NUP188: variants seen among roughly 807,000 people sequenced by gnomAD.
NUP188 encodes the protein nucleoporin 188.
NUP188 carries 97 observed loss-of-function variants against 223.0 expected under a neutral mutation model. The ratio of observed to expected loss-of-function variants is 0.43; its 90% CI spans 0.37 to 0.51. The LOEUF is 0.51. Among genes scored for constraint, NUP188 ranks in the 20% least tolerant of loss-of-function variants. The pLI, the probability that NUP188 is intolerant of heterozygous loss-of-function variation, is 0.00. For synonymous variants in NUP188, 869 were observed against 828.0 expected (o/e 1.05, Z -0.85); for missense variants, 1,947 against 2,175.6 (o/e 0.89, Z 2.09).
At chr9:128,982,443 CTG>C in intron 15 of NUP188, 104 bp from the exon 16 acceptor site, 1 of 1,054,826 alleles carries the variant, frequency 9.5e-7, no homozygotes, top group Non-Finnish European at 1.4e-6. Flanking sequence ...AAAAAAATGT[CTG>C]TGAGTTTGTG....
chr9:128,951,809 T>G (rs1475692432), intron 2 of NUP188, among the ~76,000 whole-genome samples: 1 of 149,382 alleles, frequency 6.7e-6, no homozygotes, highest in Non-Finnish European at 1.5e-5. Flanking sequence ...TTTTTTTTTT[T>G]GAGACGGAGT....
intron 8 of NUP188, among the ~76,000 whole-genome samples, chr9:128,966,240 GTCTC>G (rs1312997737): frequency 7.6e-6 from 1 of 131,566 alleles, no homozygotes; most frequent in Admixed American, 8.3e-5. Flanking sequence ...ATGGATTTCT[GTCTC>G]TGTCTGTCTC....
chr9:128,991,162 CTTTTTTTTTTT>C (rs78549616), intron 25 of NUP188, among the ~76,000 whole-genome samples: 1 of 123,480 alleles, frequency 8.1e-6, no homozygotes, highest in Admixed American at 8.4e-5. Flanking sequence ...CTCCAGATTT[CTTTTTTTTTTT>C]TTTTTTTTTG....
intron 8 of NUP188, among the ~76,000 whole-genome samples, chr9:128,961,151 C>T (rs1310219262): frequency 1.4e-5 from 2 of 147,988 alleles, no homozygotes; most frequent in African/African-American, 5.0e-5. Context: ...GAAGCCCTGT[C>T]TCTAGTAAAA....
At chr9:128,952,750 A>C (rs1043037423) in intron 2 of NUP188, 23 bp from the exon 3 acceptor site, 2 of 1,598,030 alleles carry the variant, frequency 1.3e-6, no homozygotes, top group Admixed American at 3.4e-5. Flanking sequence ...CTGCATTTGT[A>C]TAATTACCTT....
At chr9:128,956,212 C>A (rs28365526) in intron 3 of NUP188, 138 bp from the exon 4 acceptor site, 42 of 348,232 alleles carry the variant, frequency 1.2e-4, no homozygotes, top group East Asian at 3.9e-4. Context: ...TGTGTGTGTG[C>A]GTGTGTGTGT....
intron 36 of NUP188, 115 bp downstream of exon 36, chr9:129,002,091 C>T: frequency 3.8e-6 from 3 of 794,924 alleles, no homozygotes; most frequent in Non-Finnish European, 6.3e-6. Flanking sequence ...GCCTAATACA[C>T]TGATGGTGAG....
At chr9:128,978,899 T>C (rs1419862588) in intron 12 of NUP188, among the ~76,000 whole-genome samples, 1 of 152,004 alleles carries the variant, frequency 6.6e-6, no homozygotes, top group Non-Finnish European at 1.5e-5. Context: ...TTAGTAGACA[T>C]GGGGTTTCAC....
chr9:128,967,745 G>A (rs1482838977), intron 8 of NUP188, among the ~76,000 whole-genome samples: 2 of 151,860 alleles, frequency 1.3e-5, no homozygotes, highest in Admixed American at 6.6e-5. Context: ...AGCCAAGATC[G>A]CGCCATTGCA....
At chr9:128,968,791 T>TAGGG in intron 9 of NUP188, 74 bp downstream of exon 9, 2 of 1,141,404 alleles carry the variant, frequency 1.8e-6, no homozygotes, top group Non-Finnish European at 2.6e-6. Flanking sequence ...TGTAAGCAGG[T>TAGGG]AGGGGGTAGG....
At chr9:128,991,815 C>T (rs944940493) in intron 25 of NUP188, among the ~76,000 whole-genome samples, 71 of 149,622 alleles carry the variant, frequency 4.7e-4, no homozygotes, top group African/African-American at 1.6e-3. Flanking sequence ...TGTGCTCCAG[C>T]CTGGGCGACA....
Position 128,970,931 on chromosome 9 carries a change from C to G in NUP188, c.1086C>G (p.Leu362=). The stretch of plus-strand genomic sequence containing the variant: ...TGTTTCAGTACTTGACCCGATTGCT[C>G]CAGTCCCTTGCCAGTGGGGGAAATG... The part of the protein sequence containing the change: ...LNVFQYLTRL[L]QSLASGGNDC... The change falls in exon 11 of 44, where the codon CTC becomes CTG. Residue 362 remains leucine (L), a synonymous_variant. Transcript: ENST00000372577. 6.2e-7 allele frequency: 1 copy of G among 1,613,916 alleles called. No homozygotes were observed. Among genetic ancestry groups the G allele is most frequent in the South Asian group, 1.1e-5 (1 of 91,054 alleles).
At position 129,005,006 on chromosome 9, in the gene NUP188, G is replaced by A. The variant is rs1157848583; in HGVS notation, c.4435-141G>A. The stretch of plus-strand genomic sequence containing the variant: ...CATGAGGGAAGGAGGGAGAGAAGGG[G>A]AGCATGAGGGAAGGAGGGAGAGAAG... On this transcript the variant is annotated intron_variant, in intron 38 of 43. Coordinates refer to ENST00000372577, the MANE Select transcript of NUP188 (RefSeq NM_015354.3). 8.9e-6 allele frequency: 6 copies of A among 677,402 alleles called. No homozygotes were observed. In the South Asian group the frequency reaches 1.0e-4, roughly 11 times the overall value. 42.0% of individuals were successfully genotyped at this position (677,402 alleles called of 1,614,324 possible). A position where few individuals can be genotyped will look rare whatever the true frequency, so the allele number is the denominator to read the frequency against.
At position 128,958,841 on chromosome 9, in the gene NUP188, C is replaced by T. The variant is rs143645021; in HGVS notation, c.412C>T (p.Arg138Cys). The T allele has an allele frequency of 4.4e-5, 70 of 1,598,074 alleles. No individual in the cohort carries two copies. The highest frequency in any genetic ancestry group is 2.9e-4 in the African/African-American group (22 of 74,674). The change falls in exon 7 of 44, where the codon CGT (arginine) becomes TGT (cysteine). Residue 138 changes from arginine to cysteine, a missense_variant. By Grantham distance (180) the Arg-to-Cys change is radical. Transcript: ENST00000372577. ...TTATGAAGAAAGAACCTGTATTCTTCGTTGTGTCTTACACCTTCTCACTTA... is the reference window on the plus strand; with the variant it reads ...TTATGAAGAAAGAACCTGTATTCTTTGTTGTGTCTTACACCTTCTCACTTA... ...YYYEERTCIL[R>C]CVLHLLTYFQ...
At chr9:129,001,052 A>G (rs947103752) in intron 34 of NUP188, among the ~76,000 whole-genome samples, 5 of 152,130 alleles carry the variant, frequency 3.3e-5, no homozygotes, top group African/African-American at 1.2e-4. Flanking sequence ...AAATGTCTTT[A>G]TGACTCTGGG....
intron 8 of NUP188, among the ~76,000 whole-genome samples, chr9:128,962,196 A>G (rs1468730652): frequency 6.6e-6 from 1 of 151,868 alleles, no homozygotes; most frequent in African/African-American, 2.4e-5. Context: ...CAACCCATCA[A>G]AGTGCTGGGA....
chr9:128,981,141 C>A, intron 14 of NUP188, 123 bp from the exon 15 acceptor site: 1 of 1,212,680 alleles, frequency 8.2e-7, no homozygotes, highest in Non-Finnish European at 1.2e-6. Context: ...GAAGGCAGTT[C>A]CAAGAACAGT....
At chr9:129,005,930 T>C in intron 41 of NUP188, 120 bp from the exon 42 acceptor site, 2 of 1,416,858 alleles carry the variant, frequency 1.4e-6, no homozygotes, top group South Asian at 2.4e-5. Flanking sequence ...TGAGAATTAC[T>C]GTGAGGATTA....
At chr9:128,959,188 C>G in intron 8 of NUP188, 54 bp downstream of exon 8, 1 of 1,416,272 alleles carries the variant, frequency 7.1e-7, no homozygotes, top group Non-Finnish European at 9.5e-7. Flanking sequence ...TGGAGTTTCC[C>G]TCTGTCACCC....
Sources: gnomAD v4.1 joint callset for allele counts (sites outside exome capture counted in the v4.1 genomes callset) on GRCh38, gnomAD v4.1.1 for gene constraint, MANE v1.5 for transcripts, NCBI Gene and HGNC (gene_info 2026-07-23, HGNC 2026-07-21) for gene names.